Variants in CERS5 observed in about 807,000 individuals in gnomAD.
The protein encoded by CERS5 is ceramide synthase 5.
In CERS5, 37 loss-of-function variants were observed where a neutral mutation model predicts 58.9. That is an observed-to-expected ratio of 0.63 (90% CI 0.48 to 0.83). The LOEUF is 0.83. CERS5 is among the 40% of genes least tolerant of loss of function. The pLI is 0.00. For synonymous variants in CERS5, 147 were observed against 177.8 expected (o/e 0.83, Z 1.38); for missense variants, 398 against 489.3 (o/e 0.81, Z 1.76).
intron 1 of CERS5, among the ~76,000 whole-genome samples, chr12:50,150,504 G>GAT (rs151145675): frequency 2.0e-5 from 3 of 152,074 alleles, no homozygotes; most frequent in East Asian, 1.9e-4. Context: ...GCTTGGGTAT[G>GAT]ATATATATAT....
intron 1 of CERS5, 30 bp from the exon 2 acceptor site, chr12:50,144,087 C>T (rs767649204): frequency 3.7e-6 from 5 of 1,336,944 alleles, no homozygotes; most frequent in Non-Finnish European, 5.4e-6. Context: ...CGGGCCAATT[C>T]TTTTTAAAAA....
At chr12:50,146,059 G>C (rs1188848222) in intron 1 of CERS5, among the ~76,000 whole-genome samples, 1 of 152,144 alleles carries the variant, frequency 6.6e-6, no homozygotes, top group Non-Finnish European at 1.5e-5. Context: ...GCAGAAAACA[G>C]CCTTTCCAAT....
At chr12:50,156,438 A>ATATATATATATATATATATATAT (rs1555198356) in intron 1 of CERS5, among the ~76,000 whole-genome samples, 42 of 123,258 alleles carry the variant, frequency 3.4e-4, no homozygotes, top group African/African-American at 5.0e-4. Context: ...ATATATATAT[A>ATATATATATATATATATATATAT]AAACAATTAG....
rs1425915332 is a variant in CERS5, at chr12:50,143,105, G to A, written c.403C>T (p.Pro135Ser). Residue 135 changes from proline (P) to serine (S), a missense_variant, in exon 3 of 10, where the codon CCC (proline) becomes TCC (serine). Pro to Ser is a moderately conservative substitution (Grantham distance 74). Coordinates refer to ENST00000317551, the MANE Select transcript of CERS5 (RefSeq NM_147190.5). ...TCACAGAATTTAGTAAGCGTTGGGG[G>A]CTTGTCCTGATTCCTCCGATGGCGA... ...WFRHRRNQDKPPTLTKFCESM... is the reference protein window; with the variant it reads ...WFRHRRNQDKSPTLTKFCESM... 1.9e-6 allele frequency: 3 copies of A among 1,613,536 alleles called. No homozygotes were observed. The highest frequency in any genetic ancestry group is 2.5e-6 in the Non-Finnish European group (3 of 1,179,682).
At chr12:50,135,273 G>A in intron 8 of CERS5, 1 of 237,176 alleles carries the variant, frequency 4.2e-6, no homozygotes, top group South Asian at 4.3e-5. Context: ...AGGGGAGGGA[G>A]GGAGAGAGAG....
chr12:50,144,591 C>T (rs1314245011), intron 1 of CERS5: 2 of 421,500 alleles, frequency 4.7e-6, no homozygotes, highest in African/African-American at 4.1e-5. Context: ...ATATAGATAT[C>T]CTGGATCTTG....
chr12:50,166,863 G>A (rs1939957421), intron 1 of CERS5, among the ~76,000 whole-genome samples: 1 of 152,138 alleles, frequency 6.6e-6, no homozygotes, highest in Non-Finnish European at 1.5e-5. Context: ...ATCTAACATT[G>A]AAGGGGCCCA....
At chr12:50,134,220 A>C (rs1951501790) in intron 9 of CERS5, among the ~76,000 whole-genome samples, 1 of 152,040 alleles carries the variant, frequency 6.6e-6, no homozygotes, top group South Asian at 2.1e-4. Flanking sequence ...ATCTACAAAA[A>C]ATAAGAAAAT....
intron 5 of CERS5, among the ~76,000 whole-genome samples, 162 bp downstream of exon 5, chr12:50,138,405 G>GA (rs3832812): frequency 0.32 from 47,479 of 146,858 alleles, 8,338 homozygotes; most frequent in East Asian, 0.75. Context: ...CAGTGGGGGG[G>GA]AAAAAAAAAT....
chr12:50,165,324 CAGG>C (rs955764611), intron 1 of CERS5: 41 of 151,642 alleles, frequency 2.7e-4, no homozygotes, highest in African/African-American at 9.2e-4. Flanking sequence ...GAGACTGAAG[CAGG>C]AGAATGGCGT....
At chr12:50,133,091 A>G (rs972278661) in intron 9 of CERS5, 1 of 1,287,572 alleles carries the variant, frequency 7.8e-7, no homozygotes, top group African/African-American at 1.5e-5. Context: ...AGCAGGAGAG[A>G]ACAGAGATGT....
intron 1 of CERS5, among the ~76,000 whole-genome samples, chr12:50,152,507 T>A (rs1220693893): frequency 1.3e-5 from 2 of 151,794 alleles, no homozygotes; most frequent in Admixed American, 1.3e-4. Flanking sequence ...TTTAGGAGGC[T>A]GAGGCAAGCG....
intron 1 of CERS5, among the ~76,000 whole-genome samples, chr12:50,159,756 G>A (rs1208178009): frequency 6.6e-6 from 1 of 151,854 alleles, no homozygotes; most frequent in Non-Finnish European, 1.5e-5. Context: ...ACCACACCCA[G>A]CTAATTTTTG....
intron 3 of CERS5, 88 bp downstream of exon 3, chr12:50,142,986 C>A (rs950505455): frequency 3.5e-6 from 5 of 1,411,552 alleles, no homozygotes; most frequent in Admixed American, 2.2e-5. Context: ...GTTGTCCTAA[C>A]AACAGAAGTG....
intron 1 of CERS5, among the ~76,000 whole-genome samples, chr12:50,159,862 A>G (rs1939077363): frequency 6.6e-6 from 1 of 152,026 alleles, no homozygotes; most frequent in African/African-American, 2.4e-5. Flanking sequence ...AAGTGCTGGG[A>G]TTATAGGCAT....
intron 1 of CERS5, among the ~76,000 whole-genome samples, chr12:50,166,771 C>T (rs1051500508): frequency 2.6e-5 from 4 of 152,182 alleles, no homozygotes; most frequent in Non-Finnish European, 1.5e-5. Context: ...TCTGCCAGAG[C>T]TCACACTGAA....
Position 50,131,067 on chromosome 12 carries a change from G to C in CERS5, c.1030-373C>G, listed in dbSNP as rs556462937. On this transcript the variant is annotated intron_variant, in intron 9 of 9. Coordinates refer to ENST00000317551, the MANE Select transcript of CERS5 (RefSeq NM_147190.5). ...ACACGAACAATACGTATGACTGTCA[G>C]CAATGCTTCTATCTTCTGGTGGTTG... Among the ~76,000 whole-genome samples the C allele has an allele frequency of 2.9e-4, 44 of 152,324 alleles. 2 individuals carry two copies. The South Asian group carries it at 8.9e-3, about 31-fold the overall frequency.
At chr12:50,144,367 G>A in intron 1 of CERS5, 2 of 293,904 alleles carry the variant, frequency 6.8e-6, no homozygotes, top group Non-Finnish European at 1.3e-5. Context: ...ATCAGAATCT[G>A]CATTTTAACA....
rs779377723 is a variant in CERS5, at chr12:50,144,108, A to G, written c.198-51T>C. ...AATTCTTTTTAAAAAAATTTTATTTATAGTTGACACATAATAATTGTACAT... is the reference window on the plus strand; with the variant it reads ...AATTCTTTTTAAAAAAATTTTATTTGTAGTTGACACATAATAATTGTACAT... On this transcript the variant is annotated intron_variant, in intron 1 of 9. Transcript: ENST00000317551. The G allele has an allele frequency of 9.1e-6, 9 of 988,900 alleles. No individual in the cohort carries two copies. The South Asian group carries it at 1.2e-4, about 13-fold the overall frequency. 61.3% of individuals were successfully genotyped at this position (988,900 alleles called of 1,614,324 possible). A position where few individuals can be genotyped will look rare whatever the true frequency, so the allele number is the denominator to read the frequency against.
Sources: gnomAD v4.1 joint callset for allele counts (sites outside exome capture counted in the v4.1 genomes callset) on GRCh38, gnomAD v4.1.1 for gene constraint, MANE v1.5 for transcripts, NCBI Gene and HGNC (gene_info 2026-07-23, HGNC 2026-07-21) for gene names.